DMD: variants seen among roughly 807,000 people sequenced by gnomAD.
DMD encodes dystrophin.
In DMD, 63 loss-of-function variants were observed where a neutral mutation model predicts 330.1. That is an observed-to-expected ratio of 0.19 (90% CI 0.16 to 0.24). DMD has a LOEUF of 0.24. Among genes scored for constraint, DMD ranks in the 10% least tolerant of loss-of-function variants. The pLI, the probability that DMD is intolerant of heterozygous loss-of-function variation, is 1.00. For missense variants in DMD, 3,344 were observed against 2,684.1 expected (o/e 1.25, Z -5.43); for synonymous variants, 1,223 against 959.8 (o/e 1.27, Z -5.07).
chrX:33,295,441 C>A (rs2053570599), intron 1 of DMD, among the ~76,000 whole-genome samples: 1 of 110,311 alleles, frequency 9.1e-6, no homozygotes, highest in African/African-American at 3.3e-5. Context: ...AATATACCTA[C>A]ACAGTACACA....
At chrX:32,717,259 A>G (rs2065827900) in intron 7 of DMD, among the ~76,000 whole-genome samples, 1 of 111,407 alleles carries the variant, frequency 9.0e-6, no homozygotes, top group Non-Finnish European at 1.9e-5. Context: ...AGGAAAAATG[A>G]TTTCGGAGGC....
intron 74 of DMD, among the ~76,000 whole-genome samples, chrX:31,163,446 C>G (rs923040704): frequency 2.7e-5 from 3 of 111,613 alleles, no homozygotes; most frequent in African/African-American, 6.5e-5. Context: ...TTGTAAATTG[C>G]CCCGTATGAA....
chrX:32,860,872 A>T (rs917377079), intron 2 of DMD, among the ~76,000 whole-genome samples: 1 of 111,693 alleles, frequency 9.0e-6, no homozygotes, highest in African/African-American at 3.3e-5. Context: ...TCACCTAAAG[A>T]TAGAAAAATG....
rs1467126114 is a variant in DMD at position 32,519,158 on chromosome X, C to G, written c.2169-1027G>C. The stretch of plus-strand genomic sequence containing the variant: ...TTAAGCCTTTAAGACTATGAATAGC[C>G]TTTCATTTGCAACAACATGTATGAA... On this transcript the variant is annotated intron_variant, in intron 17 of 78. Transcript: ENST00000357033. 3.8e-5 allele frequency among the ~76,000 whole-genome samples: 4 copies of G among 104,660 alleles called. 1 individual carries two copies. In the Admixed American group the frequency reaches 4.2e-4, roughly 11 times the overall value. The allele number at this position is 104,660 out of a possible 115,157, so 90.9% of individuals were successfully genotyped here. A position where few individuals can be genotyped will look rare whatever the true frequency, so the allele number is the denominator to read the frequency against.
At chrX:32,330,128 A>C (rs1443287170) in intron 41 of DMD, among the ~76,000 whole-genome samples, 4 of 112,261 alleles carry the variant, frequency 3.6e-5, no homozygotes, top group African/African-American at 1.3e-4. Context: ...CAAAAGATTA[A>C]ATAAAGGGTA....
intron 44 of DMD, among the ~76,000 whole-genome samples, chrX:32,080,036 G>T (rs10521983): frequency 8.9e-6 from 1 of 111,818 alleles, no homozygotes; most frequent in East Asian, 2.8e-4. Context: ...TGGGTATAGA[G>T]GCCACCAGAA....
At chrX:32,039,174 C>G (rs959806104) in intron 44 of DMD, among the ~76,000 whole-genome samples, 1 of 110,586 alleles carries the variant, frequency 9.0e-6, no homozygotes. Flanking sequence ...GTAGAAACAA[C>G]ACATACAGTG....
intron 45 of DMD, among the ~76,000 whole-genome samples, chrX:31,966,809 T>C (rs1320660094): frequency 3.6e-5 from 4 of 110,778 alleles, no homozygotes; most frequent in African/African-American, 1.3e-4. Flanking sequence ...ATTTTGAAAA[T>C]TCAGGTGAAT....
At chrX:33,052,645 A>G (rs2094470914) in intron 1 of DMD, among the ~76,000 whole-genome samples, 1 of 112,002 alleles carries the variant, frequency 8.9e-6, no homozygotes, top group Non-Finnish European at 1.9e-5. Context: ...GTGCAATAAA[A>G]TTATATATTT....
chrX:31,690,881 C>T (rs1270632496), intron 52 of DMD, among the ~76,000 whole-genome samples: 1 of 110,876 alleles, frequency 9.0e-6, no homozygotes, highest in African/African-American at 3.3e-5. Context: ...GAAAACCAAA[C>T]ACCGCATGTT....
intron 20 of DMD, among the ~76,000 whole-genome samples, chrX:32,490,985 T>G (rs930964146): frequency 8.9e-6 from 1 of 112,334 alleles, no homozygotes; most frequent in Admixed American, 9.4e-5. Context: ...TGAGAGGCCA[T>G]TTTTTACAGG....
At chrX:31,283,541 C>T (rs762503193) in intron 62 of DMD, among the ~76,000 whole-genome samples, 4 of 111,526 alleles carry the variant, frequency 3.6e-5, no homozygotes, top group South Asian at 3.8e-4. Context: ...TTTATACTGA[C>T]GATTTGGTCC....
chrX:31,753,641 C>G (rs2088795345), intron 51 of DMD, among the ~76,000 whole-genome samples: 1 of 111,466 alleles, frequency 9.0e-6, no homozygotes, highest in African/African-American at 3.2e-5. Flanking sequence ...TGACATGAAC[C>G]ATATATATGC....
At chrX:32,408,408 T>G (rs748036473) in intron 30 of DMD, among the ~76,000 whole-genome samples, 1 of 112,389 alleles carries the variant, frequency 8.9e-6, no homozygotes, top group African/African-American at 3.2e-5. Flanking sequence ...AGCATCCTGA[T>G]CTACATCTAC....
chrX:32,936,248 G>A (rs1428018094), intron 2 of DMD, among the ~76,000 whole-genome samples: 3 of 109,971 alleles, frequency 2.7e-5, no homozygotes, highest in East Asian at 5.8e-4. Flanking sequence ...AGTAGCTGGG[G>A]TTACAGGCAT....
intron 11 of DMD, among the ~76,000 whole-genome samples, chrX:32,639,085 T>G (rs993058933): frequency 8.9e-6 from 1 of 111,993 alleles, no homozygotes; most frequent in South Asian, 3.7e-4. Context: ...TTTCATTTTT[T>G]TCCCTTACCG....
At chrX:33,073,290 A>G (rs1434055403) in intron 1 of DMD, among the ~76,000 whole-genome samples, 1 of 111,979 alleles carries the variant, frequency 8.9e-6, no homozygotes, top group Admixed American at 9.5e-5. Context: ...AATAATAGTT[A>G]CCATTTAAAT....
chrX:32,613,267 G>A (rs2057312429), intron 12 of DMD, among the ~76,000 whole-genome samples: 1 of 110,997 alleles, frequency 9.0e-6, no homozygotes, highest in African/African-American at 3.3e-5. Context: ...CCCTAATCCT[G>A]GGACAATTAC....
At chrX:31,701,202 T>C (rs1247368779) in intron 52 of DMD, among the ~76,000 whole-genome samples, 2 of 111,606 alleles carry the variant, frequency 1.8e-5, no homozygotes, top group Non-Finnish European at 3.8e-5. Context: ...TTTTCTCCCT[T>C]AGCACACACT....
Sources: gnomAD v4.1 joint callset for allele counts (sites outside exome capture counted in the v4.1 genomes callset) on GRCh38, gnomAD v4.1.1 for gene constraint, MANE v1.5 for transcripts, NCBI Gene and HGNC (gene_info 2026-07-23, HGNC 2026-07-21) for gene names.